POC1B: variants seen among roughly 807,000 people sequenced by gnomAD.
POC1B encodes the protein POC1 centriolar protein homolog B.
POC1B carries 44 observed loss-of-function variants against 60.6 expected under a neutral mutation model. That is an observed-to-expected ratio of 0.73 (90% CI 0.57 to 0.93). POC1B has a LOEUF of 0.93. Ranked by LOEUF, POC1B falls within the 40% of genes least tolerant of loss-of-function variation. POC1B has a pLI of 0.00. For missense variants in POC1B, 555 were observed against 572.3 expected, an observed-to-expected ratio of 0.97 and a Z score of 0.31; for synonymous variants, 180 against 198.9, an observed-to-expected ratio of 0.90 and a Z score of 0.80.
At chr12:89,450,742 A>G (rs1189959050) in intron 10 of POC1B, among the ~76,000 whole-genome samples, 3 of 152,198 alleles carry the variant, frequency 2.0e-5, no homozygotes. Context: ...GAAAACCTTT[A>G]AAGGTTTTTG....
chr12:89,502,280 T>A (rs1158142300), intron 2 of POC1B: 23 of 1,576,004 alleles, frequency 1.5e-5, no homozygotes, highest in Non-Finnish European at 2.0e-5. Context: ...AAGAACAGAA[T>A]CCATCACAAA....
At chr12:89,490,100 A>C (rs561188865) in intron 4 of POC1B, among the ~76,000 whole-genome samples, 1 of 152,296 alleles carries the variant, frequency 6.6e-6, no homozygotes, top group African/African-American at 2.4e-5. Flanking sequence ...AGAGGCCCCC[A>C]GACACTACAA....
intron 2 of POC1B, chr12:89,524,478 G>A (rs2135782969): frequency 1.2e-6 from 2 of 1,613,458 alleles, no homozygotes; most frequent in South Asian, 2.2e-5. Context: ...AGAGCTCCAC[G>A]AAGATATAGG....
chr12:89,474,505 C>T (rs1434087224), intron 4 of POC1B, among the ~76,000 whole-genome samples: 2 of 152,156 alleles, frequency 1.3e-5, no homozygotes, highest in East Asian at 3.9e-4. Flanking sequence ...TGTCCTAGAA[C>T]GGTTATTAAC....
chr12:89,490,099 C>T (rs931515844), intron 4 of POC1B, among the ~76,000 whole-genome samples: 3 of 152,152 alleles, frequency 2.0e-5, no homozygotes, highest in Non-Finnish European at 2.9e-5. Context: ...GAGAGGCCCC[C>T]AGACACTACA....
intron 2 of POC1B, among the ~76,000 whole-genome samples, chr12:89,509,842 A>G (rs1276326471): frequency 6.6e-6 from 1 of 152,098 alleles, no homozygotes; most frequent in Non-Finnish European, 1.5e-5. Context: ...ACTAGAGTTC[A>G]GGATTCAATT....
chr12:89,503,016 C>A lies in POC1B; in HGVS notation c.101-5674G>T, dbSNP rs147788002. On this transcript the variant is annotated intron_variant, in intron 2 of 11. Transcript: ENST00000313546. ...AAGTTTGTATAGTTGGGACATTTGT[C>A]TTTGTAATTACTTGTGATGTTTTAA... 2.7e-3 allele frequency among the ~76,000 whole-genome samples: 417 copies of A among 152,162 alleles called. 2 individuals are homozygous for A. The highest frequency in any genetic ancestry group is 8.3e-3 in the African/African-American group (345 of 41,532).
At chr12:89,462,913 T>G (rs942595253) in intron 9 of POC1B, among the ~76,000 whole-genome samples, 6 of 152,154 alleles carry the variant, frequency 3.9e-5, no homozygotes, top group African/African-American at 7.2e-5. Context: ...TACTGAGGCC[T>G]GAAACAGTAT....
chr12:89,524,081 T>A (rs1452638520), intron 2 of POC1B: 1 of 1,613,890 alleles, frequency 6.2e-7, no homozygotes, highest in East Asian at 2.2e-5. Context: ...TCTAAAACAC[T>A]GTGAATGGTA....
chr12:89,483,833 A>C (rs1868483368), intron 4 of POC1B, among the ~76,000 whole-genome samples: 1 of 138,508 alleles, frequency 7.2e-6, no homozygotes, highest in African/African-American at 2.7e-5. Flanking sequence ...TTAGGCAGAA[A>C]AGAAATGATA....
the POC1B span, among the ~76,000 whole-genome samples, chr12:89,414,688 CACCT>C: frequency 6.6e-6 from 1 of 152,172 alleles, no homozygotes; most frequent in African/African-American, 2.4e-5. Flanking sequence ...ACTAGAGACC[CACCT>C]GTTTTTATTA....
intron 11 of POC1B, among the ~76,000 whole-genome samples, chr12:89,422,273 C>A (rs1446865458): frequency 6.6e-6 from 1 of 152,124 alleles, no homozygotes; most frequent in Non-Finnish European, 1.5e-5. Flanking sequence ...TGATTGCTTT[C>A]TTGTGTTTCT....
At chr12:89,499,748 C>T (rs1267301937) in intron 2 of POC1B, among the ~76,000 whole-genome samples, 2 of 152,128 alleles carry the variant, frequency 1.3e-5, no homozygotes, top group Admixed American at 6.5e-5. Context: ...CACTTTATAC[C>T]ACATACAAAA....
intron 10 of POC1B, among the ~76,000 whole-genome samples, chr12:89,440,654 G>C (rs1218959982): frequency 2.6e-5 from 4 of 152,162 alleles, no homozygotes; most frequent in Non-Finnish European, 4.4e-5. Flanking sequence ...AGGAGAGTAG[G>C]TTCCAAGATG....
intron 2 of POC1B, chr12:89,502,319 T>C: frequency 3.7e-6 from 6 of 1,611,344 alleles, no homozygotes; most frequent in Non-Finnish European, 5.1e-6. Context: ...ACACCAAATG[T>C]TCGCAGGACC....
At chr12:89,471,768 CTTT>C (rs776025659) in intron 5 of POC1B, 39 bp from the exon 6 acceptor site, 2,415 of 813,602 alleles carry the variant, frequency 3.0e-3, no homozygotes, top group Middle Eastern at 4.0e-3. Flanking sequence ...ATTTCAATTT[CTTT>C]TTTTTTTTTT....
intron 2 of POC1B, among the ~76,000 whole-genome samples, chr12:89,517,476 T>C (rs1409098220): frequency 2.6e-5 from 4 of 151,880 alleles, no homozygotes; most frequent in Non-Finnish European, 5.9e-5. Flanking sequence ...CTACTAAAAA[T>C]ACAAAAATTA....
intron 9 of POC1B, among the ~76,000 whole-genome samples, chr12:89,464,689 T>C (rs375224892): frequency 3.3e-5 from 5 of 151,452 alleles, no homozygotes; most frequent in Non-Finnish European, 5.9e-5. Flanking sequence ...GATTTCACCA[T>C]GTTGGTCAGG....
intron 10 of POC1B, among the ~76,000 whole-genome samples, chr12:89,451,601 C>T (rs769476351): frequency 7.1e-4 from 108 of 152,166 alleles, no homozygotes; most frequent in Admixed American, 2.7e-3. Context: ...AGAACTAGGC[C>T]GGGACCAGCA....
Sources: gnomAD v4.1 joint callset for allele counts (sites outside exome capture counted in the v4.1 genomes callset) on GRCh38, gnomAD v4.1.1 for gene constraint, MANE v1.5 for transcripts, NCBI Gene and HGNC (gene_info 2026-07-23, HGNC 2026-07-21) for gene names.